The following KHDRBS2 variants were observed in gnomAD, a reference collection of about 807,000 sequenced individuals.
KHDRBS2 encodes the protein KH RNA binding domain containing, signal transduction associated 2.
A neutral mutation model predicts 44.3 loss-of-function variants in KHDRBS2; 26 were observed. The ratio of observed to expected loss-of-function variants is 0.59; its 90% CI spans 0.43 to 0.81. The LOEUF is 0.81. Ranked by LOEUF, KHDRBS2 falls within the 40% of genes least tolerant of loss-of-function variation. KHDRBS2 has a pLI of 0.00. For synonymous variants in KHDRBS2, 194 were observed against 151.1 expected (o/e 1.28, Z -2.08); for missense variants, 476 against 433.1 (o/e 1.10, Z -0.88).
At chr6:61,834,827 C>A (rs1792397495) in intron 6 of KHDRBS2, among the ~76,000 whole-genome samples, 2 of 151,994 alleles carry the variant, frequency 1.3e-5, no homozygotes, top group Admixed American at 1.3e-4. Flanking sequence ...TGTCTACTTA[C>A]AATTTTCGGT....
At chr6:61,884,701 T>C (rs1800676532) in intron 6 of KHDRBS2, among the ~76,000 whole-genome samples, 1 of 152,086 alleles carries the variant, frequency 6.6e-6, no homozygotes, top group African/African-American at 2.4e-5. Flanking sequence ...TTACACTATG[T>C]AACCTTTGTT....
At chr6:62,021,963 TAC>T (rs10547509) in intron 3 of KHDRBS2, among the ~76,000 whole-genome samples, 122,620 of 148,222 alleles carry the variant, frequency 0.83, 51,074 homozygotes, top group Admixed American at 0.88. Flanking sequence ...ATATACACTG[TAC>T]ATATATACAC....
chr6:61,659,880 T>G, the KHDRBS2 span, among the ~76,000 whole-genome samples: 1 of 151,836 alleles, frequency 6.6e-6, no homozygotes, highest in Admixed American at 6.6e-5. Context: ...CCTCTTTAAC[T>G]CTTTGTTTCT....
intron 2 of KHDRBS2, among the ~76,000 whole-genome samples, chr6:62,088,813 C>T (rs1353447859): frequency 3.3e-5 from 5 of 152,134 alleles, no homozygotes; most frequent in Admixed American, 6.5e-5. Flanking sequence ...GCTGAAGCTG[C>T]GACCGTAGCC....
the KHDRBS2 span, among the ~76,000 whole-genome samples, chr6:61,573,831 C>T: frequency 4.6e-5 from 7 of 151,328 alleles, no homozygotes; most frequent in Non-Finnish European, 7.4e-5. Flanking sequence ...GCCTGCATAG[C>T]CAAAGCAAGA....
chr6:61,927,242 C>T (rs1220640595), intron 4 of KHDRBS2, among the ~76,000 whole-genome samples: 1 of 151,954 alleles, frequency 6.6e-6, no homozygotes, highest in Non-Finnish European at 1.5e-5. Flanking sequence ...GAAAGTACAA[C>T]TTTGGCACAT....
At chr6:62,260,111 G>A (rs1179061419) in intron 1 of KHDRBS2, among the ~76,000 whole-genome samples, 1 of 151,908 alleles carries the variant, frequency 6.6e-6, no homozygotes, top group Non-Finnish European at 1.5e-5. Flanking sequence ...TAGTTGCATG[G>A]ACCTTGGCTC....
intron 4 of KHDRBS2, among the ~76,000 whole-genome samples, chr6:61,954,850 G>GTATATATATGTATATATA (rs1562513832): frequency 2.1e-4 from 9 of 43,524 alleles, no homozygotes; most frequent in South Asian, 8.4e-4. Context: ...GTATACATAT[G>GTATATATATGTATATATA]CATGTGTATA....
intron 6 of KHDRBS2, among the ~76,000 whole-genome samples, chr6:61,770,745 A>G (rs1370180365): frequency 6.6e-6 from 1 of 152,238 alleles, no homozygotes; most frequent in Non-Finnish European, 1.5e-5. Flanking sequence ...GAATGGAACC[A>G]AGTTGGAAAC....
At chr6:62,091,348 A>G (rs1222384911) in intron 2 of KHDRBS2, among the ~76,000 whole-genome samples, 1 of 152,168 alleles carries the variant, frequency 6.6e-6, no homozygotes, top group Non-Finnish European at 1.5e-5. Context: ...CTTAGTATAA[A>G]ATATCAACCT....
At chr6:61,982,782 A>C (rs958280820) in intron 3 of KHDRBS2, among the ~76,000 whole-genome samples, 4 of 152,156 alleles carry the variant, frequency 2.6e-5, no homozygotes, top group African/African-American at 9.7e-5. Flanking sequence ...CAGAACAAGA[A>C]GTAATTATAT....
downstream of KHDRBS2, among the ~76,000 whole-genome samples, chr6:61,676,473 C>A (rs1351111731): frequency 6.6e-6 from 1 of 151,784 alleles, no homozygotes; most frequent in East Asian, 2.0e-4. Context: ...TCTGGAGGCA[C>A]TGGTGGCAGG....
At chr6:62,245,871 C>A (rs1289514388) in intron 1 of KHDRBS2, among the ~76,000 whole-genome samples, 2 of 151,410 alleles carry the variant, frequency 1.3e-5, no homozygotes, top group Admixed American at 1.3e-4. Context: ...TTGCATTTGC[C>A]ATTCTATGTT....
chr6:61,872,301 T>A (rs1798771399), intron 6 of KHDRBS2, among the ~76,000 whole-genome samples: 1 of 152,146 alleles, frequency 6.6e-6, no homozygotes, highest in African/African-American at 2.4e-5. Flanking sequence ...TATATTTTGT[T>A]AAGTATAGTG....
chr6:61,593,633 C>T, the KHDRBS2 span, among the ~76,000 whole-genome samples: 3 of 150,560 alleles, frequency 2.0e-5, no homozygotes, highest in Non-Finnish European at 4.4e-5. Context: ...AAGAATAGTA[C>T]TTGTCATATA....
chr6:61,859,561 A>G (rs1158923425), intron 6 of KHDRBS2, among the ~76,000 whole-genome samples: 1 of 151,950 alleles, frequency 6.6e-6, no homozygotes, highest in East Asian at 1.9e-4. Context: ...ACAGTTGCTT[A>G]CAGCCTCTTT....
the KHDRBS2 span, among the ~76,000 whole-genome samples, chr6:61,586,762 A>AAGAAAGC: frequency 2.6e-5 from 4 of 152,142 alleles, no homozygotes; most frequent in East Asian, 5.8e-4. Flanking sequence ...CCCAGAAAAA[A>AAGAAAGC]AAGAAAGCAG....
intron 2 of KHDRBS2, among the ~76,000 whole-genome samples, chr6:62,107,480 G>C (rs552364620): frequency 6.6e-6 from 1 of 152,132 alleles, no homozygotes; most frequent in South Asian, 2.1e-4. Context: ...CATGCTCATG[G>C]GTAGGAAGAA....
chr6:62,205,772 A>G (rs1827848941), intron 1 of KHDRBS2, among the ~76,000 whole-genome samples: 1 of 152,122 alleles, frequency 6.6e-6, no homozygotes, highest in Non-Finnish European at 1.5e-5. Context: ...GAATATAGGG[A>G]ATGGTAGACA....
Sources: allele counts gnomAD v4.1 joint callset (sites outside exome capture counted in the v4.1 genomes callset), GRCh38; gene constraint gnomAD v4.1.1; transcripts MANE v1.5; gene names NCBI Gene and HGNC (gene_info 2026-07-23, HGNC 2026-07-21).